CDYL2: variants seen among roughly 807,000 people sequenced by gnomAD.
CDYL2 encodes chromodomain Y-like protein 2.
A neutral mutation model predicts 49.4 loss-of-function variants in CDYL2; 23 were observed. That is an observed-to-expected ratio of 0.47 (90% CI 0.34 to 0.66). CDYL2 has a LOEUF of 0.66. Among genes scored for constraint, CDYL2 ranks in the 30% least tolerant of loss-of-function variants. The probability of loss-of-function intolerance (pLI) is 0.01; values close to 1 mark genes in which losing one functional copy is unlikely to be tolerated. For synonymous variants in CDYL2, 360 were observed against 268.8 expected (o/e 1.34, Z -3.32); for missense variants, 678 against 656.4 (o/e 1.03, Z -0.36).
At chr16:80,715,952 C>T (rs759427233) in intron 1 of CDYL2, among the ~76,000 whole-genome samples, 1 of 152,202 alleles carries the variant, frequency 6.6e-6, no homozygotes, top group East Asian at 1.9e-4. Context: ...CTTCCTAAGC[C>T]CAAAACCCAG....
intron 4 of CDYL2, among the ~76,000 whole-genome samples, chr16:80,616,212 G>A (rs1439217235): frequency 6.6e-6 from 1 of 152,182 alleles, no homozygotes; most frequent in Non-Finnish European, 1.5e-5. Flanking sequence ...CTGGTCTCTG[G>A]AGCCTCACTT....
At chr16:80,649,941 C>A (rs910371741) in intron 2 of CDYL2, among the ~76,000 whole-genome samples, 2 of 151,994 alleles carry the variant, frequency 1.3e-5, no homozygotes, top group Non-Finnish European at 2.9e-5. Context: ...GGCCCCTATC[C>A]TATCTCCTGC....
chr16:80,757,259 T>G (rs561667084), intron 1 of CDYL2, among the ~76,000 whole-genome samples: 1 of 152,036 alleles, frequency 6.6e-6, no homozygotes, highest in African/African-American at 2.4e-5. Flanking sequence ...CAATAACCAA[T>G]AGTTTACCCT....
chr16:80,713,802 G>C (rs953739725), intron 1 of CDYL2, among the ~76,000 whole-genome samples: 4 of 152,016 alleles, frequency 2.6e-5, no homozygotes, highest in Admixed American at 1.3e-4. Context: ...TGCTCTCCTG[G>C]GATGCCCATT....
At chr16:80,722,819 G>A (rs556879090) in intron 1 of CDYL2, among the ~76,000 whole-genome samples, 9 of 152,246 alleles carry the variant, frequency 5.9e-5, no homozygotes, top group East Asian at 5.8e-4. Flanking sequence ...GACAGACTAC[G>A]GCCCTACTCA....
chr16:80,763,464 A>G (rs530876279), intron 1 of CDYL2, among the ~76,000 whole-genome samples: 3 of 151,688 alleles, frequency 2.0e-5, no homozygotes, highest in Admixed American at 6.6e-5. Flanking sequence ...ACAAAAAAAA[A>G]AGCCAGGCAT....
rs1906646047 is a variant in CDYL2 at position 80,612,580 on chromosome 16, G to T, written c.1218+46C>A. ...AAGAGCCCCTAAACCCAAGGCAGAG[G>T]AAGGATCCTGCTGGGACCCGAATCC... is the stretch of plus-strand genomic sequence containing the variant. On this transcript the variant is annotated intron_variant, in intron 5 of 6. Coordinates refer to ENST00000570137, the MANE Select transcript of CDYL2 (RefSeq NM_152342.4). This position sits in a 1 kb window ranked among gnomAD's most constrained non-coding sequence, Gnocchi z 5.0. The T allele has an allele frequency of 1.3e-6, 2 of 1,536,616 alleles. No homozygotes were observed. Among genetic ancestry groups the T allele is most frequent in the African/African-American group, 1.4e-5 (1 of 72,814 alleles).
At chr16:80,688,385 G>A (rs1910281639) in intron 1 of CDYL2, among the ~76,000 whole-genome samples, 1 of 152,072 alleles carries the variant, frequency 6.6e-6, no homozygotes, top group African/African-American at 2.4e-5. Context: ...CCACCTCTCT[G>A]GCCTTGGTGT....
At chr16:80,664,313 C>T (rs191834143) in intron 2 of CDYL2, among the ~76,000 whole-genome samples, 1 of 152,304 alleles carries the variant, frequency 6.6e-6, no homozygotes, top group African/African-American at 2.4e-5. Context: ...TCATTTCCGT[C>T]CACCTTCACA....
chr16:80,732,141 T>A (rs1390771563), intron 1 of CDYL2, among the ~76,000 whole-genome samples: 1 of 152,184 alleles, frequency 6.6e-6, no homozygotes, highest in East Asian at 1.9e-4. Flanking sequence ...AAATCCATAA[T>A]GATGACAGTG....
intron 3 of CDYL2, among the ~76,000 whole-genome samples, chr16:80,624,023 T>TC: frequency 6.6e-6 from 1 of 152,084 alleles, no homozygotes. Context: ...ATCCAGACCC[T>TC]CCAAGTCTGT....
chr16:80,637,660 A>T (rs1171735107), intron 2 of CDYL2, among the ~76,000 whole-genome samples: 2 of 130,126 alleles, frequency 1.5e-5, no homozygotes, highest in East Asian at 2.1e-4. Context: ...GATGTTTTTT[A>T]AAAAAATACT....
intron 5 of CDYL2, among the ~76,000 whole-genome samples, chr16:80,608,786 T>C (rs1567537994): frequency 6.6e-6 from 1 of 150,770 alleles, no homozygotes; most frequent in African/African-American, 2.4e-5. Flanking sequence ...AAAGGAGAAA[T>C]AGGGGAAGAG....
chr16:80,779,657 G>A (rs1907199959), intron 1 of CDYL2, among the ~76,000 whole-genome samples: 1 of 152,028 alleles, frequency 6.6e-6, no homozygotes, highest in Non-Finnish European at 1.5e-5. Context: ...ATATGGTACA[G>A]CATATTAAAA....
chr16:80,673,358 G>C (rs970404423), intron 2 of CDYL2, among the ~76,000 whole-genome samples: 1 of 152,020 alleles, frequency 6.6e-6, no homozygotes, highest in Non-Finnish European at 1.5e-5. Flanking sequence ...AAATCAACAA[G>C]TGAATTTAAG....
intron 1 of CDYL2, among the ~76,000 whole-genome samples, chr16:80,696,296 G>A (rs532360357): frequency 6.6e-6 from 1 of 152,116 alleles, no homozygotes; most frequent in Middle Eastern, 3.4e-3. Flanking sequence ...CAAAAAAGCA[G>A]AAAGATTTCA....
intron 1 of CDYL2, among the ~76,000 whole-genome samples, chr16:80,720,860 A>C (rs11644898): frequency 0.14 from 20,974 of 152,230 alleles, 1,827 homozygotes; most frequent in South Asian, 0.23. Context: ...CGCTTCAGAA[A>C]TTGAGCATGT....
intron 1 of CDYL2, among the ~76,000 whole-genome samples, chr16:80,729,445 C>A (rs11150308): frequency 0.47 from 70,216 of 150,828 alleles, 17,518 homozygotes; most frequent in Middle Eastern, 0.62. Flanking sequence ...ACCCAGATTC[C>A]TAAAGCAAGT....
intron 1 of CDYL2, among the ~76,000 whole-genome samples, chr16:80,789,648 G>C (rs1047998108): frequency 6.6e-6 from 1 of 151,434 alleles, no homozygotes; most frequent in Non-Finnish European, 1.5e-5. Flanking sequence ...ACTATTACAA[G>C]AGCAAAGTCA....
Sources: allele counts gnomAD v4.1 joint callset (sites outside exome capture counted in the v4.1 genomes callset), GRCh38; gene constraint gnomAD v4.1.1; non-coding constraint Gnocchi (gnomAD v3.1); transcripts MANE v1.5; gene names NCBI Gene and HGNC (gene_info 2026-07-23, HGNC 2026-07-21).